ACBD4: variants seen among roughly 807,000 people sequenced by gnomAD.
ACBD4 encodes the protein acyl-CoA-binding domain-containing protein 4.
Under a neutral mutation model 46.0 loss-of-function variants are expected in ACBD4, and 41 were observed. The observed-to-expected ratio is 0.89, with a 90% CI of 0.69 to 1.16. The LOEUF is 1.16. Ranked by LOEUF, ACBD4 falls within the 50% of genes most tolerant of loss-of-function variation. The pLI is 0.00. For missense variants in ACBD4, 393 were observed against 399.5 expected (o/e 0.98, Z 0.14); for synonymous variants, 162 against 155.9 (o/e 1.04, Z -0.29).
At chr17:45,140,051 G>A (rs760428617) in intron 9 of ACBD4, among the ~76,000 whole-genome samples, 1 of 152,116 alleles carries the variant, frequency 6.6e-6, no homozygotes, top group African/African-American at 2.4e-5. Flanking sequence ...TGGGGTGACC[G>A]CTAATCCACT....
chr17:45,132,993 T>G (rs1216739397), upstream of ACBD4: 1 of 152,104 alleles, frequency 6.6e-6, no homozygotes, highest in African/African-American at 2.4e-5. This position sits in a 1 kb window ranked among gnomAD's most constrained non-coding sequence, Gnocchi z 4.6. Flanking sequence ...GGTGGGGAGG[T>G]TGGCAGTGAC....
chr17:45,138,781 A>G (rs1214454589), intron 8 of ACBD4, among the ~76,000 whole-genome samples: 1 of 150,398 alleles, frequency 6.6e-6, no homozygotes, highest in Admixed American at 6.7e-5. Flanking sequence ...ACAGAGCAAG[A>G]CTGTCTAAAA....
intron 3 of ACBD4, 30 bp downstream of exon 3, chr17:45,136,650 C>A (rs1453015597): frequency 2.5e-6 from 4 of 1,613,972 alleles, no homozygotes; most frequent in Admixed American, 3.3e-5. Context: ...GGCAGACAAG[C>A]CTCAGCTGTC....
Position 45,137,965 on chromosome 17 carries a change from G to A in ACBD4, c.626G>A (p.Ser209Asn), listed in dbSNP as rs1170862740. The A allele has an allele frequency of 3.7e-6, 6 of 1,613,774 alleles. No individual in the cohort carries two copies. In the East Asian group the frequency reaches 1.3e-4, roughly 36 times the overall value. Residue 209 changes from serine (S) to asparagine (N), a missense_variant, in exon 8 of 10, where the codon AGC becomes AAC. By Grantham distance (46) the Ser-to-Asn change is conservative. This residue lies in a region of ACBD4 where 308 missense variants were observed against 301.8 expected (regional missense o/e 1.02). Transcript: ENST00000321854. The part of the protein sequence containing the change: ...ASGGKRDPRN[S>N]PVPPTKKEGL... Reference sequence around the variant, plus strand: ...GGAGGAAAGCGTGATCCCAGGAACAGCCCCGTGCCCCCCACAAAGAAAGGT... The same window carrying A: ...GGAGGAAAGCGTGATCCCAGGAACAACCCCGTGCCCCCCACAAAGAAAGGT...
chr17:45,137,439 G>A lies in ACBD4; in HGVS notation c.487G>A (p.Ala163Thr). 6.2e-7 allele frequency: 1 copy of A among 1,614,038 alleles called. No individual in the cohort carries two copies. ...SEPPCLPKEP[A>T]PPSPESHSPR... ...GCCTCCCTGCCTCCCCAAGGAACCG[G>A]CACCCCCAAGCCCAGGTTAGTGCTT... The change falls in exon 6 of 10, where the codon GCA becomes ACA. Residue 163 changes from alanine to threonine, a missense_variant. Physicochemically the swap from Ala to Thr is moderately conservative, Grantham distance 58. Around this residue, in one of 3 missense-constraint regions of ACBD4, gnomAD observed 308 missense variants for 301.8 expected, o/e 1.02. Transcript: ENST00000321854.
intron 5 of ACBD4, 89 bp downstream of exon 5, chr17:45,137,228 C>A: frequency 6.2e-7 from 1 of 1,602,352 alleles, no homozygotes; most frequent in South Asian, 1.1e-5. Flanking sequence ...GGGCTCCAGG[C>A]GACATCCCTG....
chr17:45,137,699 A>C, intron 6 of ACBD4, 61 bp from the exon 7 acceptor site: 1 of 1,580,604 alleles, frequency 6.3e-7, no homozygotes. Flanking sequence ...TGCCCAGTGC[A>C]CACTCCTGCT....
chr17:45,137,999 A>G lies in ACBD4; in HGVS notation c.649+11A>G. The G allele has an allele frequency of 6.2e-7, 1 of 1,611,004 alleles. No individual in the cohort carries two copies. Among genetic ancestry groups the G allele is most frequent in the South Asian group, 1.1e-5 (1 of 90,556 alleles). ...CCCCCACAAAGAAAGGTGAGCTCCT[A>G]CCCAACCTCTCACCCACTTCTGCCC... On this transcript the variant is annotated intron_variant, in intron 8 of 9. Transcript: ENST00000321854.
chr17:45,143,827 G>A lies in ACBD4; in HGVS notation c.*256G>A. 1 of 576,672 alleles carries A rather than the reference G, an allele frequency of 1.7e-6. No homozygotes were observed. The highest frequency in any genetic ancestry group is 3.0e-6 in the Non-Finnish European group (1 of 337,066). The allele number at this position is 576,672 out of a possible 1,614,324, so 35.7% of individuals were successfully genotyped here. On this transcript the variant is annotated 3_prime_UTR_variant, in exon 10 of 10. Coordinates refer to ENST00000321854, the MANE Select transcript of ACBD4 (RefSeq NM_001135705.3). ...AGTTGTGGTACACGTCCCCGGTGCT[G>A]GGTTGGCCGTGACTCGGGGGCGGGG...
rs1371874170 is a variant in ACBD4 at position 45,136,553 on chromosome 17, C to T, written c.142C>T (p.Gln48Ter). 6.2e-7 allele frequency: 1 copy of T among 1,613,894 alleles called. No individual in the cohort carries two copies. Among genetic ancestry groups the T allele is most frequent in the Non-Finnish European group, 8.5e-7 (1 of 1,179,970 alleles). ...GCTGCGATTCTACAGTTACTACAAG[C>T]AGGCCACCATGGGGCCCTGCCTGGT... ...EMLRFYSYYK[Q>*]ATMGPCLVPR... Residue 48 changes from glutamine to a stop codon, truncating the protein, a stop_gained, in exon 3 of 10, where the codon CAG (glutamine) becomes TAG (stop). Coordinates refer to ENST00000321854, the MANE Select transcript of ACBD4 (RefSeq NM_001135705.3). LOFTEE classifies it high-confidence loss of function.
At chr17:45,134,546 G>T (rs2054666763), upstream of ACBD4, among the ~76,000 whole-genome samples, 1 of 152,212 alleles carries the variant, frequency 6.6e-6, no homozygotes, top group Non-Finnish European at 1.5e-5. Context: ...GGAGGCCGAG[G>T]TCGGCGGATC....
chr17:45,132,519 C>T, upstream of ACBD4: 1 of 434,376 alleles, frequency 2.3e-6, no homozygotes, highest in East Asian at 1.4e-4. The surrounding 1 kb of genome is among the most constrained non-coding windows in gnomAD (Gnocchi z 4.6). Context: ...AGCGAAGAAA[C>T]TTAGCGGCGC....
chr17:45,137,477 T>A (rs751062514), intron 6 of ACBD4, 23 bp downstream of exon 6: 2 of 1,612,476 alleles, frequency 1.2e-6, no homozygotes, highest in Non-Finnish European at 1.7e-6. Context: ...GCAGGAGGGG[T>A]GGACCAAACT....
At chr17:45,140,316 T>C (rs1252316365) in intron 9 of ACBD4, among the ~76,000 whole-genome samples, 4 of 151,268 alleles carry the variant, frequency 2.6e-5, no homozygotes, top group African/African-American at 9.7e-5. Context: ...CCGGAGTAGC[T>C]GGGACTACAG....
intron 9 of ACBD4, among the ~76,000 whole-genome samples, chr17:45,141,783 A>G (rs1281367041): frequency 1.3e-5 from 2 of 152,238 alleles, no homozygotes; most frequent in African/African-American, 4.8e-5. Flanking sequence ...AGCATGGACC[A>G]CTGGCATGGT....
chr17:45,140,526 AT>A lies in ACBD4; in HGVS notation c.789+1370del, dbSNP rs975287014. Among the ~76,000 whole-genome samples the A allele has an allele frequency of 1.2e-4, 18 of 146,864 alleles. No homozygotes were observed. The Middle Eastern group carries it at 0.01, about 84-fold the overall frequency. On this transcript the variant is annotated intron_variant, in intron 9 of 9. Coordinates refer to ENST00000321854, the MANE Select transcript of ACBD4 (RefSeq NM_001135705.3). ...CATTTACTACTTTTAAATGTTGAAG[AT>A]TTTAAAGTAGATTACAGGCCAGCGT...
Position 45,139,016 on chromosome 17 carries a change from C to A in ACBD4, c.650-5C>A, listed in dbSNP as rs546790569. 47 of 1,612,494 alleles carry A rather than the reference C, an allele frequency of 2.9e-5. No individual in the cohort carries two copies. Among genetic ancestry groups the A allele is most frequent in the South Asian group, 1.5e-4 (14 of 91,036 alleles). ...CCCCCTTCCCTGTGTGTCTGTGCTC[C>A]GCAGAGGGGTTGCGGGGCAGCCCGC... On this transcript the variant is annotated splice_region_variant and splice_polypyrimidine_tract_variant and intron_variant, in intron 8 of 9. Transcript: ENST00000321854.
chr17:45,132,208 C>T, upstream of ACBD4: 1 of 1,246,426 alleles, frequency 8.0e-7, no homozygotes, highest in Non-Finnish European at 1.0e-6. The surrounding 1 kb of genome is among the most constrained non-coding windows in gnomAD (Gnocchi z 4.6). Flanking sequence ...CCTCTGGGAA[C>T]GGTCCGCGCC....
At chr17:45,132,521 T>C, upstream of ACBD4, 2 of 402,168 alleles carry the variant, frequency 5.0e-6, no homozygotes, top group Non-Finnish European at 6.6e-6. The surrounding 1 kb of genome is among the most constrained non-coding windows in gnomAD (Gnocchi z 4.6). Flanking sequence ...CGAAGAAACT[T>C]AGCGGCGCGG....
Sources: gnomAD v4.1 joint callset for allele counts (sites outside exome capture counted in the v4.1 genomes callset) on GRCh38, gnomAD v4.1.1 for gene constraint, gnomAD v4.1.1 regional missense constraint, Gnocchi (gnomAD v3.1) non-coding constraint, MANE v1.5 for transcripts, NCBI Gene and HGNC (gene_info 2026-07-23, HGNC 2026-07-21) for gene names.